SFXN5: variants seen among roughly 807,000 people sequenced by gnomAD.
The protein encoded by SFXN5 is sideroflexin-5.
A neutral mutation model predicts 50.2 loss-of-function variants in SFXN5; 43 were observed. The ratio of observed to expected loss-of-function variants is 0.86; its 90% confidence interval spans 0.67 to 1.11. The LOEUF (loss-of-function observed/expected upper bound fraction) is 1.11, where lower values mean the gene tolerates loss of function less well. SFXN5 is among the 50% of genes least tolerant of loss of function. The pLI is 0.00. For missense variants in SFXN5, 463 were observed against 454.1 expected (o/e 1.02, Z -0.18); for synonymous variants, 203 against 185.8 (o/e 1.09, Z -0.75).
At chr2:72,990,520 G>C (rs886603103) in intron 9 of SFXN5, among the ~76,000 whole-genome samples, 4 of 152,208 alleles carry the variant, frequency 2.6e-5, no homozygotes, top group African/African-American at 4.8e-5. Context: ...ATGAAGAGGA[G>C]GGGGGCTCGG....
At chr2:73,055,241 C>G (rs768783048) in intron 2 of SFXN5, among the ~76,000 whole-genome samples, 3 of 152,234 alleles carry the variant, frequency 2.0e-5, no homozygotes, top group African/African-American at 4.8e-5. Context: ...TAATCTCGGG[C>G]AAGTTCCCTA....
chr2:73,032,608 C>T (rs570362243), intron 3 of SFXN5, among the ~76,000 whole-genome samples: 22 of 152,298 alleles, frequency 1.4e-4, no homozygotes, highest in Admixed American at 9.8e-4. Flanking sequence ...TCGGGCAGAG[C>T]GGGGCACACC....
At position 72,953,955 on chromosome 2, in the gene SFXN5, C is replaced by T. The variant is rs1328969838; in HGVS notation, c.945+7176G>A. Among the ~76,000 whole-genome samples the T allele has an allele frequency of 6.6e-6, 1 of 152,128 alleles. No homozygotes were observed. The highest frequency in any genetic ancestry group is 1.5e-5 in the Non-Finnish European group (1 of 68,010). On this transcript the variant is annotated intron_variant, in intron 13 of 13. Transcript: ENST00000272433. This position sits in a 1 kb window ranked among gnomAD's most constrained non-coding sequence, Gnocchi z 4.1. ...GGTTCTGGTACCCACTGAGGGTACC[C>T]ACATTTTTGCCCATACAGGGAGGGT...
At chr2:72,985,007 G>A (rs907410851) in intron 10 of SFXN5, among the ~76,000 whole-genome samples, 5 of 152,182 alleles carry the variant, frequency 3.3e-5, no homozygotes, top group Non-Finnish European at 5.9e-5. Context: ...AAGTGTGAGA[G>A]CCTGGATGCG....
chr2:73,057,600 G>A (rs1300103562), intron 2 of SFXN5, among the ~76,000 whole-genome samples: 2 of 152,172 alleles, frequency 1.3e-5, no homozygotes, highest in Non-Finnish European at 2.9e-5. Context: ...AAAGAGGTAT[G>A]AGAGAACATG....
chr2:73,035,708 C>T (rs1678886301), intron 3 of SFXN5, among the ~76,000 whole-genome samples: 1 of 152,032 alleles, frequency 6.6e-6, no homozygotes, highest in Non-Finnish European at 1.5e-5. Flanking sequence ...CCATATTGGT[C>T]AGGCTGGTCT....
intron 13 of SFXN5, among the ~76,000 whole-genome samples, chr2:72,958,129 T>C (rs553922592): frequency 2.0e-5 from 3 of 152,228 alleles, no homozygotes; most frequent in East Asian, 3.9e-4. Context: ...GGGTGAATGG[T>C]AGGCATCTCC....
chr2:72,961,071 T>C lies in SFXN5; in HGVS notation c.945+60A>G. 8.1e-7 allele frequency: 1 copy of C among 1,235,540 alleles called. No homozygotes were observed. Among genetic ancestry groups the C allele is most frequent in the Non-Finnish European group, 1.1e-6 (1 of 907,076 alleles). The allele number at this position is 1,235,540 out of a possible 1,614,324, so 76.5% of individuals were successfully genotyped here. On this transcript the variant is annotated intron_variant, in intron 13 of 13. Transcript: ENST00000272433. This position sits in a 1 kb window ranked among gnomAD's most constrained non-coding sequence, Gnocchi z 4.4. ...GAGTCGGCACGGTATGAGTATTTGT[T>C]CAGAAATCACCAAACAGCACCCCCT...
At chr2:72,949,568 C>A (rs935217272) in intron 13 of SFXN5, among the ~76,000 whole-genome samples, 1 of 151,876 alleles carries the variant, frequency 6.6e-6, no homozygotes, top group Non-Finnish European at 1.5e-5. Context: ...CTCCACCTTC[C>A]AAAGTGTTGG....
At chr2:73,021,145 C>T (rs901419737) in intron 5 of SFXN5, among the ~76,000 whole-genome samples, 1 of 152,130 alleles carries the variant, frequency 6.6e-6, no homozygotes, top group African/African-American at 2.4e-5. Context: ...ACAAGAGAAG[C>T]CAGGCTCAGG....
chr2:73,007,468 T>G (rs1674850406), intron 6 of SFXN5, among the ~76,000 whole-genome samples: 1 of 151,984 alleles, frequency 6.6e-6, no homozygotes, highest in African/African-American at 2.4e-5. Context: ...CCAGGATGTC[T>G]CCTCTGACCC....
chr2:72,947,347 G>A (rs1046855830), intron 13 of SFXN5, among the ~76,000 whole-genome samples: 1 of 152,260 alleles, frequency 6.6e-6, no homozygotes, highest in African/African-American at 2.4e-5. Flanking sequence ...CAGCCCCGAT[G>A]TTGGGCTTTA....
chr2:73,056,396 T>C (rs1047309930), intron 2 of SFXN5, among the ~76,000 whole-genome samples: 2 of 144,708 alleles, frequency 1.4e-5, no homozygotes, highest in African/African-American at 2.6e-5. Context: ...AAAAAAAAAG[T>C]ATGTCAAGGC....
chr2:72,966,449 C>T (rs922562763), intron 12 of SFXN5, among the ~76,000 whole-genome samples: 20 of 152,310 alleles, frequency 1.3e-4, no homozygotes, highest in South Asian at 4.2e-4. Flanking sequence ...GCTACGTATA[C>T]GAGAGTCAGG....
At chr2:73,009,551 A>T (rs747138985) in intron 6 of SFXN5, among the ~76,000 whole-genome samples, 20 of 152,218 alleles carry the variant, frequency 1.3e-4, no homozygotes, top group Non-Finnish European at 2.9e-4. Flanking sequence ...TTGTCATTTC[A>T]GTTCTGGCTG....
rs188484638 is a variant in SFXN5, at chr2:72,991,916, A to T, written c.535-3568T>A. Among the ~76,000 whole-genome samples, 30 of 152,356 alleles carry T rather than the reference A, an allele frequency of 2.0e-4. No homozygotes were observed. The East Asian group carries it at 5.6e-3, about 28-fold the overall frequency. On this transcript the variant is annotated intron_variant, in intron 9 of 13. Coordinates refer to ENST00000272433, the MANE Select transcript of SFXN5 (RefSeq NM_144579.3). Reference sequence around the variant, plus strand: ...CAATTACTGCTGAGGGTCCCCCAGGATCTGTTTTAACAGCATCCAAATAAG... The same window carrying T: ...CAATTACTGCTGAGGGTCCCCCAGGTTCTGTTTTAACAGCATCCAAATAAG...
intron 10 of SFXN5, among the ~76,000 whole-genome samples, chr2:72,976,351 C>A (rs1246025101): frequency 6.6e-6 from 1 of 151,916 alleles, no homozygotes; most frequent in African/African-American, 2.4e-5. Flanking sequence ...TTAAAGCCAG[C>A]AGGGATTGAC....
At chr2:72,969,948 T>C (rs1383919082) in intron 11 of SFXN5, among the ~76,000 whole-genome samples, 1 of 152,060 alleles carries the variant, frequency 6.6e-6, no homozygotes, top group Non-Finnish European at 1.5e-5. Flanking sequence ...CGACAGCCAC[T>C]GTGGTAAGTT....
chr2:73,023,110 C>T (rs1677108210), intron 4 of SFXN5, 78 bp downstream of exon 4: 1 of 1,468,294 alleles, frequency 6.8e-7, no homozygotes, highest in Non-Finnish European at 9.3e-7. Context: ...GGGGGGCTTC[C>T]ACTAGATCCC....
Sources: allele counts gnomAD v4.1 joint callset (sites outside exome capture counted in the v4.1 genomes callset), GRCh38; gene constraint gnomAD v4.1.1; non-coding constraint Gnocchi (gnomAD v3.1); transcripts MANE v1.5; gene names NCBI Gene and HGNC (gene_info 2026-07-23, HGNC 2026-07-21).